Variants in CACNA2D3 observed in about 807,000 individuals in gnomAD.
The protein encoded by CACNA2D3 is calcium voltage-gated channel auxiliary subunit alpha2delta 3, also known as voltage-dependent calcium channel subunit alpha-2/delta-3.
CACNA2D3 carries 60 observed loss-of-function variants against 160.6 expected under a neutral mutation model. The observed-to-expected ratio is 0.37, with a 90% CI of 0.30 to 0.46. The LOEUF (loss-of-function observed/expected upper bound fraction) is 0.46, where lower values mean the gene tolerates loss of function less well. CACNA2D3 is among the 20% of genes least tolerant of loss of function. The pLI is 1.00. For missense variants in CACNA2D3, 1,205 were observed against 1,365.0 expected (o/e 0.88, Z 1.85); for synonymous variants, 558 against 492.9 (o/e 1.13, Z -1.75).
intron 2 of CACNA2D3, among the ~76,000 whole-genome samples, chr3:54,312,936 A>G (rs1703773104): frequency 6.6e-6 from 1 of 152,220 alleles, no homozygotes; most frequent in Non-Finnish European, 1.5e-5. Context: ...AGACATCAGC[A>G]TCATCCACCA....
At chr3:54,473,943 A>G (rs1018421343) in intron 4 of CACNA2D3, among the ~76,000 whole-genome samples, 2 of 152,156 alleles carry the variant, frequency 1.3e-5, no homozygotes, top group Non-Finnish European at 2.9e-5. Flanking sequence ...CTTTTACACT[A>G]TTGGTAGGAG....
chr3:54,891,331 C>T (rs1291126228), intron 24 of CACNA2D3, 24 bp from the exon 25 acceptor site: 4 of 1,578,222 alleles, frequency 2.5e-6, no homozygotes, highest in Non-Finnish European at 3.5e-6. Flanking sequence ...AGGCCTCCCC[C>T]TGACGTCTGT....
At chr3:54,577,440 C>T (rs1702603345) in intron 8 of CACNA2D3, among the ~76,000 whole-genome samples, 1 of 152,144 alleles carries the variant, frequency 6.6e-6, no homozygotes, top group South Asian at 2.1e-4. Flanking sequence ...GATGACATGG[C>T]ATCTTATCCC....
chr3:54,823,764 G>A, intron 14 of CACNA2D3, among the ~76,000 whole-genome samples: 1 of 152,114 alleles, frequency 6.6e-6, no homozygotes, highest in East Asian at 1.9e-4. Context: ...TGTACAAACA[G>A]ATGTACAAAA....
rs1559448362 is a variant in CACNA2D3, at chr3:54,319,201, C to CA, written c.205-1241_205-1240insA. ...ACACACACACACACACACACACACA[C>CA]CCTTCCTCGAGTCAAGGAGAAACTG... On this transcript the variant is annotated intron_variant, in intron 2 of 37. Transcript: ENST00000474759. Among the ~76,000 whole-genome samples the CA allele has an allele frequency of 2.0e-3, 292 of 146,872 alleles. 1 individual carries two copies. The highest frequency in any genetic ancestry group is 7.0e-3 in the African/African-American group (277 of 39,644).
intron 2 of CACNA2D3, among the ~76,000 whole-genome samples, chr3:54,203,488 A>G (rs116745401): frequency 0.015 from 2,265 of 152,360 alleles, 60 homozygotes; most frequent in African/African-American, 0.05. Context: ...TGTTGCAAGG[A>G]CAAAGGGCTT....
intron 5 of CACNA2D3, among the ~76,000 whole-genome samples, chr3:54,517,634 T>C (rs6805851): frequency 0.026 from 3,979 of 152,312 alleles, 176 homozygotes; most frequent in African/African-American, 0.089. Flanking sequence ...TTACTGACAG[T>C]GACGTCAGCA....
chr3:54,767,876 C>G (rs1230723571), intron 13 of CACNA2D3, among the ~76,000 whole-genome samples: 1 of 150,114 alleles, frequency 6.7e-6, no homozygotes, highest in Non-Finnish European at 1.5e-5. Flanking sequence ...TTGAATAAAA[C>G]AGAAATCCAC....
chr3:54,143,902 T>A (rs981491258), intron 2 of CACNA2D3, among the ~76,000 whole-genome samples: 1 of 152,254 alleles, frequency 6.6e-6, no homozygotes, highest in African/African-American at 2.4e-5. Flanking sequence ...GAGATCATAT[T>A]GTATCAGCTA....
chr3:54,810,815 G>T (rs570906896), intron 13 of CACNA2D3, among the ~76,000 whole-genome samples: 4 of 152,212 alleles, frequency 2.6e-5, no homozygotes, highest in Non-Finnish European at 5.9e-5. Context: ...CCATGGGTCT[G>T]TGTGAAACTC....
rs114734380 is a variant in CACNA2D3 at position 54,757,407 on chromosome 3, A to C, written c.1246+4730A>C. ...GTCCAGCTCCTAATCTTTTTTCAATAAAAAGATTCTTAACCTCATTATATC... is the reference window on the plus strand; with the variant it reads ...GTCCAGCTCCTAATCTTTTTTCAATCAAAAGATTCTTAACCTCATTATATC... On this transcript the variant is annotated intron_variant, in intron 12 of 37. Transcript: ENST00000474759. Among the ~76,000 whole-genome samples, 331 of 152,284 alleles carry C rather than the reference A, an allele frequency of 2.2e-3. 2 individuals carry two copies. Among genetic ancestry groups the C allele is most frequent in the Non-Finnish European group, 4.3e-3 (290 of 68,026 alleles).
rs74396896 is a variant in CACNA2D3 at position 54,928,659 on chromosome 3, A to C, written c.2449+28791A>C. The stretch of plus-strand genomic sequence containing the variant: ...CAACCTTCCTTCTGGTGCCACAAAT[A>C]ACTTCTCAGCTGCTTGCTTGCTTGC... On this transcript the variant is annotated intron_variant, in intron 27 of 37. Coordinates refer to ENST00000474759, the MANE Select transcript of CACNA2D3 (RefSeq NM_018398.3). Among the ~76,000 whole-genome samples the C allele has an allele frequency of 8.6e-4, 131 of 152,210 alleles. 1 individual carries two copies. The East Asian group carries it at 0.016, about 19-fold the overall frequency.
At chr3:54,660,910 A>C (rs1332730663) in intron 11 of CACNA2D3, among the ~76,000 whole-genome samples, 1 of 152,132 alleles carries the variant, frequency 6.6e-6, no homozygotes, top group Non-Finnish European at 1.5e-5. Context: ...CTCCTCGGGG[A>C]TTCCTATCTA....
intron 2 of CACNA2D3, among the ~76,000 whole-genome samples, chr3:54,270,012 G>T (rs1242443555): frequency 1.3e-5 from 2 of 152,208 alleles, no homozygotes; most frequent in Admixed American, 6.5e-5. Flanking sequence ...TTGGCTTGTT[G>T]TACCAGAAGC....
At chr3:54,224,057 T>G (rs983727152) in intron 2 of CACNA2D3, among the ~76,000 whole-genome samples, 4 of 152,078 alleles carry the variant, frequency 2.6e-5, no homozygotes, top group Non-Finnish European at 5.9e-5. Flanking sequence ...TTTTTTTTAC[T>G]TAAAACATTT....
intron 27 of CACNA2D3, among the ~76,000 whole-genome samples, chr3:54,940,983 G>A (rs1701451674): frequency 6.6e-6 from 1 of 152,138 alleles, no homozygotes; most frequent in South Asian, 2.1e-4. Flanking sequence ...TTATTTCATA[G>A]ATTTAAAACC....
chr3:54,802,530 T>A (rs1703015762), intron 13 of CACNA2D3, among the ~76,000 whole-genome samples: 1 of 152,204 alleles, frequency 6.6e-6, no homozygotes, highest in African/African-American at 2.4e-5. Context: ...TGAATCCCTT[T>A]ATTTGTACAA....
At chr3:55,048,943 G>C (rs2107201692) in intron 35 of CACNA2D3, among the ~76,000 whole-genome samples, 1 of 139,156 alleles carries the variant, frequency 7.2e-6, no homozygotes, top group Admixed American at 6.9e-5. Context: ...GGGATTGCTG[G>C]TGATATCCCC....
intron 3 of CACNA2D3, among the ~76,000 whole-genome samples, chr3:54,372,597 T>C (rs1163935202): frequency 6.6e-6 from 1 of 151,852 alleles, no homozygotes; most frequent in African/African-American, 2.4e-5. Context: ...GTCTTTTCTT[T>C]AAAAAAAAAT....
Sources: gnomAD v4.1 joint callset for allele counts (sites outside exome capture counted in the v4.1 genomes callset) on GRCh38, gnomAD v4.1.1 for gene constraint, MANE v1.5 for transcripts, NCBI Gene and HGNC (gene_info 2026-07-23, HGNC 2026-07-21) for gene names.